The following FRMD3 variants were observed in gnomAD, a reference collection of about 807,000 sequenced individuals.
FRMD3 encodes FERM domain-containing protein 3.
FRMD3 carries 33 observed loss-of-function variants against 70.2 expected under a neutral mutation model. That is an observed-to-expected ratio of 0.47 (90% CI 0.36 to 0.63). The LOEUF (loss-of-function observed/expected upper bound fraction) is 0.63, where lower values mean the gene tolerates loss of function less well. Among genes scored for constraint, FRMD3 ranks in the 20% least tolerant of loss-of-function variants. The probability of loss-of-function intolerance (pLI) is 0.00; values close to 1 mark genes in which losing one functional copy is unlikely to be tolerated. For synonymous variants in FRMD3, 279 were observed against 255.9 expected, an observed-to-expected ratio of 1.09 and a Z score of -0.86; for missense variants, 632 against 711.4, an observed-to-expected ratio of 0.89 and a Z score of 1.27.
intron 13 of FRMD3, among the ~76,000 whole-genome samples, chr9:83,289,286 T>TA (rs1834326517): frequency 6.6e-6 from 1 of 151,978 alleles, no homozygotes; most frequent in African/African-American, 2.4e-5. Flanking sequence ...GCATGGAACT[T>TA]ACAGAGTTCA....
intron 1 of FRMD3, among the ~76,000 whole-genome samples, chr9:83,450,655 G>A (rs375655478): frequency 6.6e-6 from 1 of 152,240 alleles, no homozygotes. Flanking sequence ...CCCTGGAAAG[G>A]GAAGGCTCTG....
intron 1 of FRMD3, among the ~76,000 whole-genome samples, chr9:83,498,145 G>A (rs1231108310): frequency 1.3e-5 from 2 of 150,068 alleles, no homozygotes; most frequent in Non-Finnish European, 3.0e-5. Flanking sequence ...ACTCTCGCCT[G>A]GAAGACAGAG....
chr9:83,536,951 A>AAAAAAAAAAAAAAAAAAC (rs1829907951), intron 1 of FRMD3, among the ~76,000 whole-genome samples: 1 of 142,586 alleles, frequency 7.0e-6, no homozygotes, highest in East Asian at 2.0e-4. Flanking sequence ...AAAAAAAAAA[A>AAAAAAAAAAAAAAAAAAC]AAGCTCAGTC....
chr9:83,340,772 C>T (rs1391187323), intron 5 of FRMD3, among the ~76,000 whole-genome samples: 1 of 152,156 alleles, frequency 6.6e-6, no homozygotes, highest in Non-Finnish European at 1.5e-5. Flanking sequence ...GTTTTGTATT[C>T]CTTGTGGAGA....
intron 1 of FRMD3, among the ~76,000 whole-genome samples, chr9:83,532,395 A>T (rs949973933): frequency 6.6e-6 from 1 of 152,208 alleles, no homozygotes; most frequent in African/African-American, 2.4e-5. Context: ...CCATTCCATA[A>T]GGGCAGAAAT....
chr9:83,447,172 C>T (rs374373093), intron 1 of FRMD3, among the ~76,000 whole-genome samples: 11 of 152,218 alleles, frequency 7.2e-5, no homozygotes, highest in Admixed American at 2.0e-4. Context: ...TACAGGCATG[C>T]GCCACCACGC....
At chr9:83,269,123 C>T (rs190315514) in intron 13 of FRMD3, among the ~76,000 whole-genome samples, 181 of 152,276 alleles carry the variant, frequency 1.2e-3, no homozygotes, top group African/African-American at 4.2e-3. Context: ...CAGTAACACA[C>T]GATGAATTTC....
At chr9:83,269,466 G>A (rs1833443009) in intron 13 of FRMD3, among the ~76,000 whole-genome samples, 1 of 152,006 alleles carries the variant, frequency 6.6e-6, no homozygotes, top group African/African-American at 2.4e-5. Flanking sequence ...ATTATCTTTG[G>A]GAGGCCGAGG....
At chr9:83,485,827 T>C (rs10746713) in intron 1 of FRMD3, among the ~76,000 whole-genome samples, 28,862 of 152,022 alleles carry the variant, frequency 0.19, 3,495 homozygotes, top group African/African-American at 0.34. Context: ...CACATGAAGA[T>C]TGCTTATCTG....
chr9:83,298,716 C>A (rs768021957), intron 12 of FRMD3, 32 bp downstream of exon 12: 8 of 1,590,724 alleles, frequency 5.0e-6, no homozygotes, highest in Non-Finnish European at 6.0e-6. Context: ...GCTTTTAAAG[C>A]CACCTGGAAC....
At chr9:83,332,011 A>G (rs915945401) in intron 6 of FRMD3, 23 of 656,110 alleles carry the variant, frequency 3.5e-5, no homozygotes, top group Non-Finnish European at 5.6e-5. Context: ...GGCAAATCCA[A>G]GTTTCTGACT....
Position 83,294,986 on chromosome 9 carries a change from C to T in FRMD3, c.1070+3762G>A, listed in dbSNP as rs550490003. On this transcript the variant is annotated intron_variant, in intron 12 of 13. Coordinates refer to ENST00000304195, the MANE Select transcript of FRMD3 (RefSeq NM_174938.6). ...GGTCCCTCCAGGCCAGGCTAGGATA[C>T]GTGCCATGTTTCTCCACTCTCAGAA... Among the ~76,000 whole-genome samples the T allele has an allele frequency of 2.3e-4, 35 of 152,270 alleles. No homozygotes were observed. The South Asian group carries it at 5.0e-3, about 22-fold the overall frequency.
intron 1 of FRMD3, among the ~76,000 whole-genome samples, chr9:83,501,272 T>C (rs1481699655): frequency 1.3e-5 from 2 of 151,824 alleles, no homozygotes; most frequent in African/African-American, 4.8e-5. Flanking sequence ...CCAGCCTGGG[T>C]GACAGAGCGA....
At chr9:83,524,838 A>G (rs1829652083) in intron 1 of FRMD3, among the ~76,000 whole-genome samples, 1 of 152,170 alleles carries the variant, frequency 6.6e-6, no homozygotes, top group Non-Finnish European at 1.5e-5. Flanking sequence ...TAAATACTCC[A>G]CTTATCATAA....
At chr9:83,561,242 T>C in the FRMD3 span, among the ~76,000 whole-genome samples, 1 of 152,222 alleles carries the variant, frequency 6.6e-6, no homozygotes, top group Non-Finnish European at 1.5e-5. Flanking sequence ...TGTGAGCCTT[T>C]CCTGTCAAAT....
the FRMD3 span, among the ~76,000 whole-genome samples, chr9:83,582,439 C>T: frequency 1.3e-5 from 2 of 152,112 alleles, no homozygotes; most frequent in African/African-American, 4.8e-5. Context: ...ATTAGGGAAC[C>T]TAGTATCTGT....
In FRMD3 at chr9:83,267,988, TAGAG is replaced by T. The variant is rs371078569; in HGVS notation, c.1196-19476_1196-19473del. Among the ~76,000 whole-genome samples, 954 of 152,248 alleles carry T rather than the reference TAGAG, an allele frequency of 6.3e-3. 11 individuals are homozygous for T. The highest frequency in any genetic ancestry group is 0.021 in the African/African-American group (887 of 41,540). On this transcript the variant is annotated intron_variant, in intron 13 of 13. Coordinates refer to ENST00000304195, the MANE Select transcript of FRMD3 (RefSeq NM_174938.6). ...CTTTACAGATAAGGAAACGACAACTTAGAGAGAGTAACTGACCTGACCACAATCA... is the reference window on the plus strand; with the variant it reads ...CTTTACAGATAAGGAAACGACAACTTAGAGTAACTGACCTGACCACAATCA...
rs138773857 is a variant in FRMD3 at position 83,491,059 on chromosome 9, T to C, written c.147+47026A>G. Among the ~76,000 whole-genome samples the C allele has an allele frequency of 4.7e-3, 715 of 152,310 alleles. 5 individuals carry two copies. The highest frequency in any genetic ancestry group is 0.015 in the African/African-American group (606 of 41,560). On this transcript the variant is annotated intron_variant, in intron 1 of 13. Transcript: ENST00000304195. The stretch of plus-strand genomic sequence containing the variant: ...AAATATTAGCCTATTGAAGTCTCTG[T>C]GAAGTCCTGCAGTTGTTGTGGTTAA...
At chr9:83,318,785 T>C (rs990546416) in intron 6 of FRMD3, among the ~76,000 whole-genome samples, 1 of 152,204 alleles carries the variant, frequency 6.6e-6, no homozygotes, top group Admixed American at 6.5e-5. Flanking sequence ...AGTGTTTTCT[T>C]TTCTCTGCAT....
Sources: gnomAD v4.1 joint callset for allele counts (sites outside exome capture counted in the v4.1 genomes callset) on GRCh38, gnomAD v4.1.1 for gene constraint, MANE v1.5 for transcripts, NCBI Gene and HGNC (gene_info 2026-07-23, HGNC 2026-07-21) for gene names.